The following KCTD2 variants were observed in gnomAD, a reference collection of about 807,000 sequenced individuals.
KCTD2 encodes the protein potassium channel tetramerization domain containing 2, also known as BTB/POZ domain-containing protein KCTD2.
A neutral mutation model predicts 27.9 loss-of-function variants in KCTD2; 18 were observed. That is an observed-to-expected ratio of 0.64 (90% CI 0.45 to 0.96). The LOEUF (loss-of-function observed/expected upper bound fraction) is 0.96, where lower values mean the gene tolerates loss of function less well. Ranked by LOEUF, KCTD2 falls within the 40% of genes least tolerant of loss-of-function variation. The pLI is 0.00. For missense variants in KCTD2, 280 were observed against 348.0 expected (o/e 0.80, Z 1.56); for synonymous variants, 175 against 148.4 (o/e 1.18, Z -1.30).
At chr17:75,045,264 G>A (rs1025405710), upstream of KCTD2, among the ~76,000 whole-genome samples, 8 of 152,246 alleles carry the variant, frequency 5.3e-5, no homozygotes, top group South Asian at 2.1e-4. Flanking sequence ...CACAAGGCAA[G>A]TGGAGGCAGG....
intron 4 of KCTD2, chr17:75,060,720 T>C: frequency 1.2e-6 from 1 of 867,188 alleles, no homozygotes; most frequent in Non-Finnish European, 1.7e-6. Context: ...CTCGCCACCC[T>C]GGGATCAACC....
At chr17:75,037,571 G>A (rs1227676446) in intron 3 of KCTD2, among the ~76,000 whole-genome samples, 2 of 152,052 alleles carry the variant, frequency 1.3e-5, no homozygotes, top group East Asian at 1.9e-4. Context: ...CAGCAATTGG[G>A]TTGTAGGCAT....
At chr17:75,051,883 C>T (rs926538523) in intron 2 of KCTD2, among the ~76,000 whole-genome samples, 1 of 152,132 alleles carries the variant, frequency 6.6e-6, no homozygotes, top group Non-Finnish European at 1.5e-5. Flanking sequence ...CCTATAGGAT[C>T]ACACGTCTCA....
intron 2 of KCTD2, among the ~76,000 whole-genome samples, chr17:75,051,378 G>C (rs1415382994): frequency 2.1e-5 from 3 of 139,694 alleles, no homozygotes; most frequent in Non-Finnish European, 1.5e-5. Flanking sequence ...TCCACCTCCC[G>C]GGTTCAAGCG....
At position 75,062,205 on chromosome 17, in the gene KCTD2, C is replaced by T; in HGVS notation, c.722C>T (p.Ser241Phe). Residue 241 changes from serine to phenylalanine, a missense_variant, in exon 5 of 6, where the codon TCT (serine) becomes TTT (phenylalanine). Transcript: ENST00000322444. ...LCVVSRELNN[S>F]TNGIVIEPSE... The stretch of plus-strand genomic sequence containing the variant: ...GTTGTCTCCAGAGAACTAAATAATT[C>T]TACCAATGGCATCGTCATAGAGCCG... 1 of 1,613,970 alleles carries T rather than the reference C, an allele frequency of 6.2e-7. No homozygotes were observed. The highest frequency in any genetic ancestry group is 8.5e-7 in the Non-Finnish European group (1 of 1,179,964).
At chr17:75,060,775 T>C (rs921414158) in intron 4 of KCTD2, among the ~76,000 whole-genome samples, 1 of 152,246 alleles carries the variant, frequency 6.6e-6, no homozygotes, top group Non-Finnish European at 1.5e-5. Flanking sequence ...TACTTATGTG[T>C]AGAGTTTTAA....
intron 3 of KCTD2, chr17:75,040,846 A>G (rs2073152405): frequency 6.6e-6 from 1 of 151,388 alleles, no homozygotes; most frequent in Non-Finnish European, 1.5e-5. Flanking sequence ...AGATGGCCCC[A>G]CTGCACTCCA....
chr17:75,037,353 A>C (rs1047270156), intron 3 of KCTD2, among the ~76,000 whole-genome samples: 2 of 151,492 alleles, frequency 1.3e-5, no homozygotes, highest in African/African-American at 4.9e-5. Flanking sequence ...CAGAAAAAAA[A>C]AAAAAAAAAA....
intron 3 of KCTD2, among the ~76,000 whole-genome samples, chr17:75,053,734 C>T (rs1218755430): frequency 1.3e-5 from 2 of 151,988 alleles, no homozygotes; most frequent in Non-Finnish European, 2.9e-5. Flanking sequence ...TGAGGCACTG[C>T]GCCCAGCTTG....
intron 2 of KCTD2, among the ~76,000 whole-genome samples, chr17:75,034,444 A>G (rs965172191): frequency 6.6e-6 from 1 of 152,106 alleles, no homozygotes; most frequent in Non-Finnish European, 1.5e-5. Context: ...CCCAGGTGGG[A>G]CTCGAACCCA....
At chr17:75,037,396 C>T (rs913546342) in intron 3 of KCTD2, among the ~76,000 whole-genome samples, 1 of 151,630 alleles carries the variant, frequency 6.6e-6, no homozygotes, top group Admixed American at 6.6e-5. Flanking sequence ...GTCTCCCCTG[C>T]GTAGACCATG....
At chr17:75,037,866 G>A (rs2073119201) in intron 3 of KCTD2, among the ~76,000 whole-genome samples, 1 of 151,912 alleles carries the variant, frequency 6.6e-6, no homozygotes, top group African/African-American at 2.4e-5. Flanking sequence ...TGGCTAACAT[G>A]GTGAAACCCC....
chr17:75,053,175 A>G, intron 3 of KCTD2, 70 bp downstream of exon 3: 1 of 1,224,576 alleles, frequency 8.2e-7, no homozygotes, highest in Non-Finnish European at 1.2e-6. Context: ...GTGATTTGAA[A>G]AGGATGCCTT....
chr17:75,043,646 T>C (rs1598690124), upstream of KCTD2, among the ~76,000 whole-genome samples: 1 of 152,130 alleles, frequency 6.6e-6, no homozygotes, highest in African/African-American at 2.4e-5. Context: ...CAGCTCTCTT[T>C]ATCCCCTCCA....
Position 75,047,354 on chromosome 17 carries a change from G to A in KCTD2, c.104G>A (p.Arg35His), listed in dbSNP as rs923250755. ...GGPVRGPPSP[R>H]PAGPTPRGHG... is the part of the protein sequence containing the mutation. ...CCAGTCCGCGGGCCCCCCAGCCCAC[G>A]CCCGGCTGGCCCCACGCCCCGCGGG... is the stretch of plus-strand genomic sequence containing the variant. The change falls in exon 1 of 6, where the codon CGC becomes CAC. Residue 35 changes from arginine (R) to histidine (H), a missense_variant. Transcript: ENST00000322444. 1.8e-6 allele frequency: 2 copies of A among 1,137,988 alleles called. No homozygotes were observed. The highest frequency in any genetic ancestry group is 4.9e-5 in the Admixed American group (1 of 20,568). 70.5% of individuals were successfully genotyped at this position (1,137,988 alleles called of 1,614,324 possible).
chr17:75,063,361 G>A lies in KCTD2; in HGVS notation c.*314G>A, dbSNP rs1423599015. On this transcript the variant is annotated 3_prime_UTR_variant, in exon 6 of 6. Transcript: ENST00000322444. ...GGAGCCTTTCGGGGATCTGGGGGATGAGGGCGGAAGGCCTAGCTCCTTGGA... is the reference window on the plus strand; with the variant it reads ...GGAGCCTTTCGGGGATCTGGGGGATAAGGGCGGAAGGCCTAGCTCCTTGGA... The A allele has an allele frequency of 7.3e-6, 3 of 408,388 alleles. No individual in the cohort carries two copies. The highest frequency in any genetic ancestry group is 1.4e-5 in the Non-Finnish European group (3 of 219,642). The allele number at this position is 408,388 out of a possible 1,614,324, so 25.3% of individuals were successfully genotyped here.
chr17:75,038,533 G>A (rs1039092407), intron 3 of KCTD2, among the ~76,000 whole-genome samples: 10 of 152,346 alleles, frequency 6.6e-5, no homozygotes, highest in African/African-American at 2.4e-4. Flanking sequence ...ATTTGGACCA[G>A]CTGTTCTTGT....
chr17:75,032,921 T>G lies in KCTD2; in HGVS notation c.-470+197T>G, dbSNP rs2040078745. On this transcript the variant is annotated intron_variant, in intron 1 of 7. Coordinates refer to the KCTD2 transcript ENST00000581589. This position sits in a 1 kb window ranked among gnomAD's most constrained non-coding sequence, Gnocchi z 4.8. ...GCCAAGTGGGTTAAATCCTTCTTGC[T>G]GCTATTAAGGGGAGGAGACAGGTTT... 1 of 152,218 alleles carries G rather than the reference T, an allele frequency of 6.6e-6. No individual in the cohort carries two copies. The allele number at this position is 152,218 out of a possible 1,614,324, so 9.4% of individuals were successfully genotyped here. A position where few individuals can be genotyped will look rare whatever the true frequency, so the allele number is the denominator to read the frequency against.
At chr17:75,053,425 G>C (rs891616334) in intron 3 of KCTD2, among the ~76,000 whole-genome samples, 11 of 151,850 alleles carry the variant, frequency 7.2e-5, no homozygotes, top group Non-Finnish European at 1.5e-4. Context: ...TAGAGGTCTT[G>C]GTTGCACCCG....
Sources: gnomAD v4.1 joint callset for allele counts (sites outside exome capture counted in the v4.1 genomes callset) on GRCh38, gnomAD v4.1.1 for gene constraint, Gnocchi (gnomAD v3.1) non-coding constraint, MANE v1.5 for transcripts, NCBI Gene and HGNC (gene_info 2026-07-23, HGNC 2026-07-21) for gene names.